The following JAKMIP2 variants were observed in gnomAD, a reference collection of about 807,000 sequenced individuals.
JAKMIP2 encodes the protein janus kinase and microtubule interacting protein 2, also known as janus kinase and microtubule-interacting protein 2.
In JAKMIP2, 25 loss-of-function variants were observed where a neutral mutation model predicts 115.0. The ratio of observed to expected loss-of-function variants is 0.22; its 90% CI spans 0.16 to 0.30. The LOEUF (loss-of-function observed/expected upper bound fraction) is 0.30. JAKMIP2 is among the 10% of genes least tolerant of loss of function. The pLI is 1.00. For synonymous variants in JAKMIP2, 334 were observed against 343.6 expected (o/e 0.97, Z 0.31); for missense variants, 642 against 957.6 (o/e 0.67, Z 4.35).
intron 21 of JAKMIP2, among the ~76,000 whole-genome samples, chr5:147,601,253 T>C (rs1282893675): frequency 6.6e-6 from 1 of 152,202 alleles, no homozygotes; most frequent in Non-Finnish European, 1.5e-5. Flanking sequence ...TCTCAATTTA[T>C]GGCATTTATG....
At chr5:147,636,901 G>A (rs1355093012) in intron 11 of JAKMIP2, 64 bp downstream of exon 11, 7 of 865,522 alleles carry the variant, frequency 8.1e-6, no homozygotes, top group Non-Finnish European at 1.4e-5. Context: ...ATGCACAGGT[G>A]AGCTACAGGA....
intron 18 of JAKMIP2, among the ~76,000 whole-genome samples, chr5:147,618,511 C>T (rs113590965): frequency 3.5e-4 from 53 of 152,054 alleles, no homozygotes; most frequent in Non-Finnish European, 6.5e-4. Context: ...CCGAGGCAGG[C>T]GGATCATCTG....
At chr5:147,595,090 C>A (rs1209096223) in intron 21 of JAKMIP2, among the ~76,000 whole-genome samples, 2 of 152,120 alleles carry the variant, frequency 1.3e-5, no homozygotes, top group East Asian at 3.9e-4. Context: ...ACAGACTTGA[C>A]CTTTAATGAG....
intron 1 of JAKMIP2, among the ~76,000 whole-genome samples, chr5:147,745,800 G>T (rs1242838849): frequency 3.3e-5 from 5 of 152,068 alleles, no homozygotes; most frequent in Admixed American, 6.6e-5. Flanking sequence ...TCAATGTTTG[G>T]ACTTTAGTTA....
intron 10 of JAKMIP2, among the ~76,000 whole-genome samples, chr5:147,638,777 A>T (rs536790488): frequency 2.0e-4 from 30 of 152,216 alleles, no homozygotes; most frequent in Middle Eastern, 3.4e-3. Context: ...CTGTGAAGTC[A>T]CAAGGCTAGG....
intron 1 of JAKMIP2, among the ~76,000 whole-genome samples, chr5:147,748,714 A>C (rs1208676301): frequency 6.6e-6 from 1 of 152,186 alleles, no homozygotes; most frequent in Non-Finnish European, 1.5e-5. Context: ...TGCAAAATAA[A>C]AGCTTAGGGT....
chr5:147,702,603 GGAAAGAAAGAAAGAAAGAAAGAAAGAAA>G (rs67153684), intron 1 of JAKMIP2, among the ~76,000 whole-genome samples: 91 of 91,824 alleles, frequency 9.9e-4, no homozygotes, highest in South Asian at 3.6e-3. Context: ...AAAGAAAGAA[GGAAAGAAAGAAAGAAAGAAAGAAAGAAA>G]GAAAGAAAGA....
At chr5:147,707,894 T>C (rs1289768950) in intron 1 of JAKMIP2, among the ~76,000 whole-genome samples, 1 of 152,194 alleles carries the variant, frequency 6.6e-6, no homozygotes, top group Non-Finnish European at 1.5e-5. Context: ...ATAAGTGTTT[T>C]GAGGCAGGCT....
At chr5:147,662,194 AACC>A (rs1288322769) in intron 2 of JAKMIP2, among the ~76,000 whole-genome samples, 2 of 151,778 alleles carry the variant, frequency 1.3e-5, no homozygotes, top group South Asian at 2.1e-4. Flanking sequence ...ACAAACAAAA[AACC>A]ACCACCAACA....
chr5:147,692,353 C>A (rs2126863316), intron 1 of JAKMIP2, among the ~76,000 whole-genome samples: 1 of 152,288 alleles, frequency 6.6e-6, no homozygotes, highest in Middle Eastern at 3.4e-3. Flanking sequence ...TTTCAGACTT[C>A]TGGCCTCCAG....
chr5:147,756,506 A>G (rs1217162916), intron 1 of JAKMIP2, among the ~76,000 whole-genome samples: 1 of 152,180 alleles, frequency 6.6e-6, no homozygotes, highest in Non-Finnish European at 1.5e-5. Flanking sequence ...TGTTGTATTT[A>G]TATTTCTTTT....
Position 147,590,425 on chromosome 5 carries a change from G to C in JAKMIP2, c.*1282C>G, listed in dbSNP as rs1006403825. The C allele has an allele frequency of 8.5e-5, 13 of 152,090 alleles. No homozygotes were observed. Among genetic ancestry groups the C allele is most frequent in the Admixed American group, 7.9e-4 (12 of 15,254 alleles). 9.4% of individuals were successfully genotyped at this position (152,090 alleles called of 1,614,324 possible). ...AGTACCAGTCCTCTAATTGTCTCTG[G>C]TAGAAAATGACCTTGTCAGTAACAT... On this transcript the variant is annotated 3_prime_UTR_variant, in exon 22 of 22. Coordinates refer to ENST00000616793, the MANE Select transcript of JAKMIP2 (RefSeq NM_001270941.2).
intron 19 of JAKMIP2, among the ~76,000 whole-genome samples, chr5:147,617,371 A>G (rs1756638172): frequency 6.6e-6 from 1 of 152,152 alleles, no homozygotes; most frequent in Non-Finnish European, 1.5e-5. Context: ...TACTTACCTC[A>G]TAGGGCTATT....
At chr5:147,636,467 A>T (rs1757618896) in intron 11 of JAKMIP2, 183 bp from the exon 12 acceptor site, 5 of 602,334 alleles carry the variant, frequency 8.3e-6, no homozygotes, top group Admixed American at 6.0e-5. Context: ...TGCCGGGAAA[A>T]TTTAACCCCC....
chr5:147,637,034 G>A lies in JAKMIP2; in HGVS notation c.1545C>T (p.Leu515=). The change falls in exon 11 of 22, where the codon CTC becomes CTT. Residue 515 remains leucine (L), a synonymous_variant. Coordinates refer to ENST00000616793, the MANE Select transcript of JAKMIP2 (RefSeq NM_001270941.2). ...CTTTATACCTTAGCACCTCTGCTTGGAGCTGTTCTTGAGCCTGGTGAAACC... is the reference window on the plus strand; with the variant it reads ...CTTTATACCTTAGCACCTCTGCTTGAAGCTGTTCTTGAGCCTGGTGAAACC... ...AEREAKAQEQ[L]QAEVLRYKAK... 1 of 872,854 alleles carries A rather than the reference G, an allele frequency of 1.1e-6. No homozygotes were observed. 54.1% of individuals were successfully genotyped at this position (872,854 alleles called of 1,614,324 possible).
In JAKMIP2 at chr5:147,754,952, G is replaced by C. The variant is rs925141900; in HGVS notation, c.-149+27504C>G. ...AGAGAGCTTGCATCAAGGAGCTTTGGGGGTAGGTGTGCACATGAAGAGCAG... is the reference window on the plus strand; with the variant it reads ...AGAGAGCTTGCATCAAGGAGCTTTGCGGGTAGGTGTGCACATGAAGAGCAG... On this transcript the variant is annotated intron_variant, in intron 1 of 21. Transcript: ENST00000616793. 2.6e-5 allele frequency among the ~76,000 whole-genome samples: 4 copies of C among 152,140 alleles called. No homozygotes were observed. The East Asian group carries it at 7.7e-4, about 29-fold the overall frequency.
intron 1 of JAKMIP2, among the ~76,000 whole-genome samples, chr5:147,741,039 G>T (rs890811480): frequency 6.6e-6 from 1 of 152,084 alleles, no homozygotes; most frequent in African/African-American, 2.4e-5. Flanking sequence ...GGATGAAGCC[G>T]ATCAGTACAG....
rs1019265273 is a variant in JAKMIP2, at chr5:147,586,901, A to G, written c.*4806T>C. Reference sequence around the variant, plus strand: ...GATTAAGCATTGGACTTGGACTCCCAGCAAGAGATTTATTTAGGAAGAACT... The same window carrying G: ...GATTAAGCATTGGACTTGGACTCCCGGCAAGAGATTTATTTAGGAAGAACT... On this transcript the variant is annotated 3_prime_UTR_variant, in exon 22 of 22. Transcript: ENST00000616793. 6 of 151,926 alleles carry G rather than the reference A, an allele frequency of 3.9e-5. No individual in the cohort carries two copies. Among genetic ancestry groups the G allele is most frequent in the Non-Finnish European group, 8.8e-5 (6 of 67,996 alleles). 9.4% of individuals were successfully genotyped at this position (151,926 alleles called of 1,614,324 possible).
chr5:147,648,731 CA>C (rs2126741024), intron 4 of JAKMIP2, among the ~76,000 whole-genome samples: 1 of 152,306 alleles, frequency 6.6e-6, no homozygotes, highest in Admixed American at 6.5e-5. Flanking sequence ...ATCCAGGACT[CA>C]GGGCAGGGAG....
Sources: allele counts gnomAD v4.1 joint callset (sites outside exome capture counted in the v4.1 genomes callset), GRCh38; gene constraint gnomAD v4.1.1; transcripts MANE v1.5; gene names NCBI Gene and HGNC (gene_info 2026-07-23, HGNC 2026-07-21).